Variants in ARMH4 observed in about 807,000 individuals in gnomAD.
ARMH4 encodes armadillo like helical domain containing 4.
A neutral mutation model predicts 61.9 loss-of-function variants in ARMH4; 49 were observed. That is an observed-to-expected ratio of 0.79 (90% CI 0.63 to 1.00). The LOEUF (loss-of-function observed/expected upper bound fraction) is 1.00, where lower values mean the gene tolerates loss of function less well. ARMH4 is among the 50% of genes least tolerant of loss of function. ARMH4 has a pLI of 0.00. For synonymous variants in ARMH4, 368 were observed against 341.5 expected, an observed-to-expected ratio of 1.08 and a Z score of -0.85; for missense variants, 934 against 930.0, an observed-to-expected ratio of 1.00 and a Z score of -0.06.
intron 4 of ARMH4, among the ~76,000 whole-genome samples, chr14:58,111,433 G>A (rs1245556172): frequency 1.3e-5 from 2 of 152,204 alleles, no homozygotes; most frequent in African/African-American, 4.8e-5. Context: ...AGCAAACTAA[G>A]AAGGGACAAC....
At position 58,112,284 on chromosome 14, in the gene ARMH4, T is replaced by TC. The variant is rs1275586792; in HGVS notation, c.1832-15304_1832-15303insG. Reference sequence around the variant, plus strand: ...TTTCCACTTTTTCTGTGCTTAATTTTTCTTTTTTTTTTTTTTGGCTTTTTT... The same window carrying TC: ...TTTCCACTTTTTCTGTGCTTAATTTTCTCTTTTTTTTTTTTTTGGCTTTTTT... On this transcript the variant is annotated intron_variant, in intron 4 of 7. Coordinates refer to ENST00000267485, the MANE Select transcript of ARMH4 (RefSeq NM_001001872.4). 9.5e-3 allele frequency among the ~76,000 whole-genome samples: 1,378 copies of TC among 145,782 alleles called. 26 individuals carry two copies. The highest frequency in any genetic ancestry group is 0.035 in the African/African-American group (1,285 of 37,208).
Position 58,061,903 on chromosome 14 carries a change from T to C in ARMH4, c.2089+34821A>G, listed in dbSNP as rs1884542910. 1.3e-5 allele frequency among the ~76,000 whole-genome samples: 2 copies of C among 152,058 alleles called. 1 individual carries two copies. Among genetic ancestry groups the C allele is most frequent in the South Asian group, 4.2e-4 (2 of 4,800 alleles). On this transcript the variant is annotated intron_variant, in intron 5 of 7. Transcript: ENST00000267485. Reference sequence around the variant, plus strand: ...GTTAAAGTCAGAATCCAGCTTGCACTGGGCCCTCTGCTTATGTTATCTCAT... The same window carrying C: ...GTTAAAGTCAGAATCCAGCTTGCACCGGGCCCTCTGCTTATGTTATCTCAT...
rs1342229431 is a variant in ARMH4, at chr14:58,138,821, T to G, written c.538A>C (p.Thr180Pro). Residue 180 changes from threonine to proline, a missense_variant, in exon 2 of 8, where the codon ACA (threonine) becomes CCA (proline). Physicochemically the swap from Thr to Pro is conservative, Grantham distance 38. Transcript: ENST00000267485. The part of the protein sequence containing the change: ...QPIVEEITET[T>P]KGFLKYMDNQ... The stretch of plus-strand genomic sequence containing the variant: ...TCCATATACTTCAGAAAACCTTTTG[T>G]GGTTTCTGTGATCTCTTCTACAATG... The G allele has an allele frequency of 1.2e-6, 2 of 1,614,102 alleles. No individual in the cohort carries two copies. The highest frequency in any genetic ancestry group is 1.7e-6 in the Non-Finnish European group (2 of 1,180,036).
intron 5 of ARMH4, among the ~76,000 whole-genome samples, chr14:58,082,694 C>T (rs1298400565): frequency 2.0e-5 from 3 of 152,200 alleles, no homozygotes; most frequent in Non-Finnish European, 2.9e-5. Context: ...GACTCATCAG[C>T]TCCTGGAGAG....
rs202100908 is a variant in ARMH4, at chr14:58,138,422, C to A, written c.937G>T (p.Glu313Ter). The A allele has an allele frequency of 1.2e-6, 2 of 1,614,232 alleles. No individual in the cohort carries two copies. Among genetic ancestry groups the A allele is most frequent in the African/African-American group, 2.7e-5 (2 of 75,066 alleles). The change falls in exon 2 of 8, where the codon GAG becomes TAG. Residue 313 changes from glutamate (E) to a stop codon, truncating the protein, a stop_gained. Transcript: ENST00000267485. LOFTEE classifies it high-confidence loss of function. Reference protein sequence around the residue: ...AVPAASALSDEWDDTKLESVS... With the variant: ...AVPAASALSD Reference sequence around the variant, plus strand: ...CTCTCTAATTTGGTGTCATCCCACTCATCACTTAAGGCAGAGGCAGCTGGA... The same window carrying A: ...CTCTCTAATTTGGTGTCATCCCACTAATCACTTAAGGCAGAGGCAGCTGGA...
At chr14:58,149,599 T>C (rs748435167) in intron 1 of ARMH4, among the ~76,000 whole-genome samples, 2 of 152,226 alleles carry the variant, frequency 1.3e-5, no homozygotes, top group African/African-American at 2.4e-5. Flanking sequence ...AAATTAGTGA[T>C]GTAGACAAAT....
chr14:58,086,130 A>T (rs1227398924), intron 5 of ARMH4, among the ~76,000 whole-genome samples: 1 of 152,172 alleles, frequency 6.6e-6, no homozygotes, highest in African/African-American at 2.4e-5. Context: ...AACTATTTGT[A>T]AATTTTTAAA....
chr14:58,026,317 C>G (rs1883019101), intron 5 of ARMH4, among the ~76,000 whole-genome samples: 1 of 152,004 alleles, frequency 6.6e-6, no homozygotes, highest in Non-Finnish European at 1.5e-5. Context: ...TTTGCCTCCC[C>G]CTATGCTTGA....
At position 58,139,090 on chromosome 14, in the gene ARMH4, A is replaced by G. The variant is rs571381292; in HGVS notation, c.269T>C (p.Phe90Ser). The G allele has an allele frequency of 6.8e-6, 11 of 1,614,178 alleles. No individual in the cohort carries two copies. The South Asian group carries it at 1.1e-4, about 16-fold the overall frequency. Residue 90 changes from phenylalanine to serine, a missense_variant, in exon 2 of 8, where the codon TTC becomes TCC. Transcript: ENST00000267485. ...VPSATSLNKA[F>S]SINKETQPGQ... Reference sequence around the variant, plus strand: ...AGGCTGGGTTTCTTTGTTAATCGAGAATGCTTTATTTAATGATGTTGCCGA... The same window carrying G: ...AGGCTGGGTTTCTTTGTTAATCGAGGATGCTTTATTTAATGATGTTGCCGA...
chr14:58,024,360 G>A (rs1882948884), intron 5 of ARMH4, among the ~76,000 whole-genome samples: 1 of 152,096 alleles, frequency 6.6e-6, no homozygotes, highest in Non-Finnish European at 1.5e-5. Context: ...GAACCAACCT[G>A]TGCTAGCTTC....
intron 1 of ARMH4, among the ~76,000 whole-genome samples, chr14:58,145,922 T>A (rs1887719677): frequency 1.3e-5 from 2 of 152,234 alleles, no homozygotes; most frequent in Admixed American, 1.3e-4. Flanking sequence ...GACCTTCAAA[T>A]TCCAGGATTT....
At chr14:58,009,384 A>G (rs1882302173) in intron 6 of ARMH4, among the ~76,000 whole-genome samples, 1 of 152,146 alleles carries the variant, frequency 6.6e-6, no homozygotes, top group Non-Finnish European at 1.5e-5. Flanking sequence ...CTAAGTCAGA[A>G]GTGCCATCCA....
intron 5 of ARMH4, among the ~76,000 whole-genome samples, chr14:58,065,872 A>G (rs1373967932): frequency 6.6e-6 from 1 of 152,222 alleles, no homozygotes. Flanking sequence ...ACATAGCAAG[A>G]AACTGGGGGC....
At chr14:58,130,402 C>T (rs764058152) in intron 4 of ARMH4, among the ~76,000 whole-genome samples, 3 of 149,852 alleles carry the variant, frequency 2.0e-5, no homozygotes, top group Non-Finnish European at 4.4e-5. Context: ...TCCTTCCCTT[C>T]GCTTTAGACA....
chr14:58,080,808 T>C (rs1451797791), intron 5 of ARMH4, among the ~76,000 whole-genome samples: 3 of 152,082 alleles, frequency 2.0e-5, no homozygotes, highest in Admixed American at 2.0e-4. Flanking sequence ...TATGTTTCTA[T>C]AAAAATAAAT....
chr14:58,108,250 A>G (rs1886232889), intron 4 of ARMH4, among the ~76,000 whole-genome samples: 1 of 152,194 alleles, frequency 6.6e-6, no homozygotes, highest in Middle Eastern at 3.2e-3. Flanking sequence ...AATACATAGA[A>G]TTTCATTACA....
chr14:58,143,752 C>T (rs1318169670), intron 1 of ARMH4, among the ~76,000 whole-genome samples: 1 of 145,226 alleles, frequency 6.9e-6, no homozygotes, highest in Non-Finnish European at 1.5e-5. Context: ...GCATGAGCCA[C>T]CGTGCCCATC....
At chr14:58,140,453 C>T (rs559165734) in intron 1 of ARMH4, among the ~76,000 whole-genome samples, 128 of 151,424 alleles carry the variant, frequency 8.5e-4, no homozygotes, top group African/African-American at 3.0e-3. Flanking sequence ...TGGTGGCACA[C>T]ATCTGTAATC....
At chr14:58,060,347 T>C (rs891171785) in intron 5 of ARMH4, among the ~76,000 whole-genome samples, 3 of 152,238 alleles carry the variant, frequency 2.0e-5, no homozygotes, top group Non-Finnish European at 4.4e-5. Flanking sequence ...CGTACTCCCC[T>C]ACACTAATTT....
Sources: gnomAD v4.1 joint callset for allele counts (sites outside exome capture counted in the v4.1 genomes callset) on GRCh38, gnomAD v4.1.1 for gene constraint, MANE v1.5 for transcripts, NCBI Gene and HGNC (gene_info 2026-07-23, HGNC 2026-07-21) for gene names.